DIS3L2: variants seen among roughly 807,000 people sequenced by gnomAD.
The protein encoded by DIS3L2 is DIS3-like exonuclease 2.
In DIS3L2, 34 loss-of-function variants were observed where a neutral mutation model predicts 97.5. The observed-to-expected ratio is 0.35, with a 90% confidence interval of 0.27 to 0.46. The LOEUF (loss-of-function observed/expected upper bound fraction) is 0.46, where lower values mean the gene tolerates loss of function less well. Ranked by LOEUF, DIS3L2 falls within the 20% of genes least tolerant of loss-of-function variation. The pLI is 1.00. For missense variants in DIS3L2, 1,038 were observed against 1,146.0 expected (o/e 0.91, Z 1.36); for synonymous variants, 435 against 445.2 (o/e 0.98, Z 0.29).
chr2:232,075,537 A>G (rs114188707), intron 5 of DIS3L2, among the ~76,000 whole-genome samples: 1 of 151,998 alleles, frequency 6.6e-6, no homozygotes, highest in Non-Finnish European at 1.5e-5. Flanking sequence ...TTAACTGTCA[A>G]CCCATATTAT....
At position 232,112,216 on chromosome 2, in the gene DIS3L2, T is replaced by A. The variant is rs190376309; in HGVS notation, c.602-18403T>A. On this transcript the variant is annotated intron_variant, in intron 6 of 20. Transcript: ENST00000325385. ...CCTCTAGTTCCACTCTGCTGCTTGC[T>A]TGCCAGGTAACTTGGACAAATCAAT... Among the ~76,000 whole-genome samples the A allele has an allele frequency of 2.9e-4, 44 of 152,336 alleles. 1 individual carries two copies. In the East Asian group the frequency reaches 7.9e-3, roughly 27 times the overall value.
chr2:232,274,695 T>C (rs935790507), intron 13 of DIS3L2, among the ~76,000 whole-genome samples: 6 of 152,212 alleles, frequency 3.9e-5, no homozygotes, highest in Non-Finnish European at 7.4e-5. Flanking sequence ...CAGTAAGATT[T>C]CCAAAACTGT....
chr2:232,336,859 C>A lies in DIS3L2; in HGVS notation c.*229C>A, dbSNP rs1295785702. The A allele has an allele frequency of 2.2e-6, 3 of 1,366,360 alleles. No individual in the cohort carries two copies. The highest frequency in any genetic ancestry group is 2.8e-6 in the Non-Finnish European group (3 of 1,061,876). The allele number at this position is 1,366,360 out of a possible 1,614,324, so 84.6% of individuals were successfully genotyped here. On this transcript the variant is annotated 3_prime_UTR_variant, in exon 21 of 21. Transcript: ENST00000325385. ...AGCAGTGACCCCAGCAGAGCAGGCCCCAGTCCTCCTGGGAGGCTGGCCCCC... is the reference window on the plus strand; with the variant it reads ...AGCAGTGACCCCAGCAGAGCAGGCCACAGTCCTCCTGGGAGGCTGGCCCCC...
intron 14 of DIS3L2, among the ~76,000 whole-genome samples, chr2:232,327,024 C>G (rs1695596777): frequency 6.6e-6 from 1 of 152,220 alleles, no homozygotes; most frequent in Admixed American, 6.5e-5. Context: ...TGTCCCCTCC[C>G]TCCTGTCCTT....
At chr2:232,337,942 G>A (rs1289361795), downstream of DIS3L2, among the ~76,000 whole-genome samples, 5 of 149,530 alleles carry the variant, frequency 3.3e-5, no homozygotes, top group East Asian at 4.0e-4. Flanking sequence ...GCGGCCTTCC[G>A]TCTGTGTGTC....
chr2:232,310,036 A>G (rs192165857), intron 14 of DIS3L2, among the ~76,000 whole-genome samples: 29 of 152,316 alleles, frequency 1.9e-4, no homozygotes, highest in Admixed American at 1.1e-3. Context: ...AACACTTCCC[A>G]GTACTTTGGA....
intron 5 of DIS3L2, among the ~76,000 whole-genome samples, chr2:232,051,405 G>C (rs1695395133): frequency 6.6e-6 from 1 of 152,152 alleles, no homozygotes; most frequent in African/African-American, 2.4e-5. Context: ...CCAAACTTCA[G>C]AAAAAGGATA....
In DIS3L2 at chr2:232,292,281, C is replaced by T. The variant is rs1694624326; in HGVS notation, c.1660-7759C>T. Among the ~76,000 whole-genome samples the T allele has an allele frequency of 6.6e-6, 1 of 152,130 alleles. No individual in the cohort carries two copies. Among genetic ancestry groups the T allele is most frequent in the Non-Finnish European group, 1.5e-5 (1 of 68,028 alleles). On this transcript the variant is annotated intron_variant, in intron 13 of 20. Transcript: ENST00000325385. The surrounding 1 kb of genome is among the most constrained non-coding windows in gnomAD (Gnocchi z 4.4). ...ACATTGTTTCTGCCCCTAAGTTCTC[C>T]CTAAAGTGCCATCCCCAAGCAGCAA...
chr2:232,216,846 C>CTCCCG (rs1452452095), intron 10 of DIS3L2, among the ~76,000 whole-genome samples: 14 of 150,422 alleles, frequency 9.3e-5, no homozygotes, highest in South Asian at 6.6e-4. Context: ...CTCCCCTCCC[C>CTCCCG]TCCCCTCCCC....
chr2:232,026,774 A>C (rs1694671373), intron 4 of DIS3L2, among the ~76,000 whole-genome samples: 1 of 152,192 alleles, frequency 6.6e-6, no homozygotes, highest in African/African-American at 2.4e-5. Context: ...TGTTAAAGAA[A>C]GCTAAGACAC....
intron 5 of DIS3L2, among the ~76,000 whole-genome samples, chr2:232,086,315 G>A (rs1444410147): frequency 6.8e-6 from 1 of 146,344 alleles, no homozygotes; most frequent in Admixed American, 6.9e-5. Flanking sequence ...ATATGTATAT[G>A]TATATGCATA....
chr2:232,075,785 G>C (rs1164189518), intron 5 of DIS3L2, among the ~76,000 whole-genome samples: 4 of 152,100 alleles, frequency 2.6e-5, no homozygotes, highest in Admixed American at 2.6e-4. Context: ...TTGTTCTTCA[G>C]GATGTAAAGG....
At chr2:232,256,167 CTT>C (rs1244950208) in intron 12 of DIS3L2, among the ~76,000 whole-genome samples, 1 of 152,256 alleles carries the variant, frequency 6.6e-6, no homozygotes, top group African/African-American at 2.4e-5. Context: ...ACAATGGTAA[CTT>C]TTTCCTTGTT....
rs1284369353 is a variant in DIS3L2 at position 232,293,680 on chromosome 2, G to A, written c.1660-6360G>A. Among the ~76,000 whole-genome samples the A allele has an allele frequency of 3.3e-5, 5 of 152,144 alleles. No homozygotes were observed. The highest frequency in any genetic ancestry group is 1.2e-4 in the African/African-American group (5 of 41,424). On this transcript the variant is annotated intron_variant, in intron 13 of 20. Transcript: ENST00000325385. This position sits in a 1 kb window ranked among gnomAD's most constrained non-coding sequence, Gnocchi z 4.6. ...CTCCCTGGCTGGCACACCCTCCCGA[G>A]CACAGGCCCACCTCTTTCCATTGCT...
chr2:232,121,053 T>G (rs934989894), intron 6 of DIS3L2, among the ~76,000 whole-genome samples: 19 of 152,178 alleles, frequency 1.2e-4, no homozygotes, highest in African/African-American at 4.3e-4. Context: ...CCCCTACAGC[T>G]TCCACCCTGT....
intron 3 of DIS3L2, 134 bp downstream of exon 3, chr2:232,015,805 AT>A: frequency 2.1e-6 from 2 of 946,692 alleles, no homozygotes; most frequent in Non-Finnish European, 3.1e-6. Context: ...TTATGATGGC[AT>A]AACAGAGATG....
At chr2:232,081,393 A>G (rs905165739) in intron 5 of DIS3L2, among the ~76,000 whole-genome samples, 3 of 152,136 alleles carry the variant, frequency 2.0e-5, no homozygotes, top group African/African-American at 7.2e-5. Flanking sequence ...CTCCCTCTCC[A>G]TCAGCTTACA....
intron 6 of DIS3L2, among the ~76,000 whole-genome samples, chr2:232,104,995 T>C (rs1697318975): frequency 6.6e-6 from 1 of 152,082 alleles, no homozygotes; most frequent in Admixed American, 6.6e-5. Context: ...TTTTTGTATT[T>C]TTTGTAGAGA....
chr2:232,297,577 T>A (rs1694752094), intron 13 of DIS3L2, among the ~76,000 whole-genome samples: 1 of 152,160 alleles, frequency 6.6e-6, no homozygotes, highest in African/African-American at 2.4e-5. Context: ...GAGGAAAACC[T>A]ATTAGTCTTC....
Sources: allele counts gnomAD v4.1 joint callset (sites outside exome capture counted in the v4.1 genomes callset), GRCh38; gene constraint gnomAD v4.1.1; non-coding constraint Gnocchi (gnomAD v3.1); transcripts MANE v1.5; gene names NCBI Gene and HGNC (gene_info 2026-07-23, HGNC 2026-07-21).